NLGN1: variants seen among roughly 807,000 people sequenced by gnomAD.
NLGN1 encodes neuroligin-1.
A neutral mutation model predicts 65.5 loss-of-function variants in NLGN1; 12 were observed. The ratio of observed to expected loss-of-function variants is 0.18; its 90% CI spans 0.12 to 0.30. The LOEUF is 0.30. Ranked by LOEUF, NLGN1 falls within the 10% of genes least tolerant of loss-of-function variation. The pLI is 1.00. For missense variants in NLGN1, 750 were observed against 1,007.1 expected (o/e 0.74, Z 3.46); for synonymous variants, 350 against 359.5 (o/e 0.97, Z 0.30).
chr3:174,251,101 CA>C (rs1744694038), intron 4 of NLGN1, among the ~76,000 whole-genome samples: 1 of 151,908 alleles, frequency 6.6e-6, no homozygotes, highest in East Asian at 1.9e-4. Flanking sequence ...TTTTAAAAAC[CA>C]AAAGGAAACT....
rs997902220 is a variant in NLGN1, at chr3:174,182,066, C to T, written c.647-93249C>T. Among the ~76,000 whole-genome samples the T allele has an allele frequency of 5.3e-5, 8 of 150,178 alleles. No homozygotes were observed. The East Asian group carries it at 1.2e-3, about 22-fold the overall frequency. ...GCAGCAAAATGAGTAGGTGATTGTACACACCTAACCCATACATTCTGTACT... is the reference window on the plus strand; with the variant it reads ...GCAGCAAAATGAGTAGGTGATTGTATACACCTAACCCATACATTCTGTACT... On this transcript the variant is annotated intron_variant, in intron 4 of 6. Coordinates refer to ENST00000457714, the Ensembl canonical transcript of NLGN1.
intron 3 of NLGN1, among the ~76,000 whole-genome samples, chr3:173,676,307 C>A (rs1296760603): frequency 2.0e-5 from 3 of 152,006 alleles, no homozygotes; most frequent in Admixed American, 6.6e-5. Flanking sequence ...GACTGGAGGT[C>A]AACAGGGCCA....
chr3:173,908,009 C>T (rs1458509371), intron 4 of NLGN1, among the ~76,000 whole-genome samples: 1 of 152,212 alleles, frequency 6.6e-6, no homozygotes, highest in East Asian at 1.9e-4. Context: ...CGTGAGCCAC[C>T]ACGCCCAGCA....
intron 2 of NLGN1, among the ~76,000 whole-genome samples, chr3:173,476,283 A>G (rs1726188734): frequency 6.6e-6 from 1 of 152,248 alleles, no homozygotes; most frequent in Non-Finnish European, 1.5e-5. Flanking sequence ...TCAAAATTTT[A>G]TAATAAGGTG....
intron 4 of NLGN1, among the ~76,000 whole-genome samples, chr3:173,980,327 A>G (rs543253127): frequency 6.6e-6 from 1 of 152,092 alleles, no homozygotes; most frequent in African/African-American, 2.4e-5. Context: ...CCGTTATTTA[A>G]TCATAGTATA....
At chr3:173,525,323 AT>A in intron 2 of NLGN1, among the ~76,000 whole-genome samples, 1 of 151,204 alleles carries the variant, frequency 6.6e-6, no homozygotes, top group Admixed American at 6.6e-5. Flanking sequence ...CAGGATTTCT[AT>A]TTTTTTCTTC....
intron 4 of NLGN1, among the ~76,000 whole-genome samples, chr3:174,168,356 T>C (rs901336073): frequency 6.6e-6 from 1 of 152,180 alleles, no homozygotes; most frequent in Admixed American, 6.5e-5. Context: ...CTAATTTTTG[T>C]AATTATTTCT....
At chr3:173,726,085 G>A (rs1337585742) in intron 3 of NLGN1, among the ~76,000 whole-genome samples, 1 of 151,986 alleles carries the variant, frequency 6.6e-6, no homozygotes, top group African/African-American at 2.4e-5. Context: ...AATCAAGGGA[G>A]TAAAGTCGCC....
chr3:173,713,992 A>C (rs1401201338), intron 3 of NLGN1, among the ~76,000 whole-genome samples: 1 of 152,156 alleles, frequency 6.6e-6, no homozygotes, highest in East Asian at 1.9e-4. Flanking sequence ...GAAAAAGGAG[A>C]AAGATGAAGG....
chr3:173,588,726 G>A (rs1747929894), intron 2 of NLGN1, among the ~76,000 whole-genome samples: 1 of 152,210 alleles, frequency 6.6e-6, no homozygotes, highest in South Asian at 2.1e-4. Flanking sequence ...GATCAGAGAT[G>A]TGTCAGCATG....
chr3:173,803,570 T>C (rs1254275822), intron 3 of NLGN1, among the ~76,000 whole-genome samples: 1 of 152,126 alleles, frequency 6.6e-6, no homozygotes, highest in African/African-American at 2.4e-5. Context: ...ATTGCACCAC[T>C]GCACCCCAGC....
rs367555290 is a variant in NLGN1, at chr3:174,279,003, A to G, written c.1002A>G (p.Leu334=). The change falls in exon 6 of 7, where the codon CTA becomes CTG. Residue 334 remains leucine, a synonymous_variant. Transcript: ENST00000457714. This position sits in a 1 kb window ranked among gnomAD's most constrained non-coding sequence, Gnocchi z 4.7. ...ATACAGTAGAGTTAGTGGAATGCCT[A>G]CAGAAGAAGCCTTACAAAGAACTTG... is the stretch of plus-strand genomic sequence containing the variant. 82 of 1,596,058 alleles carry G rather than the reference A, an allele frequency of 5.1e-5. No homozygotes were observed. The highest frequency in any genetic ancestry group is 5.1e-4 in the Middle Eastern group (3 of 5,934).
At chr3:173,860,479 CTAAT>C (rs1182610447) in intron 4 of NLGN1, among the ~76,000 whole-genome samples, 2 of 151,954 alleles carry the variant, frequency 1.3e-5, no homozygotes, top group Non-Finnish European at 2.9e-5. Flanking sequence ...TAGTTATTAA[CTAAT>C]TACCTCTTTT....
At chr3:173,577,799 TCA>T (rs1414298354) in intron 2 of NLGN1, among the ~76,000 whole-genome samples, 2 of 152,210 alleles carry the variant, frequency 1.3e-5, no homozygotes, top group Non-Finnish European at 2.9e-5. Context: ...ACATATTTTC[TCA>T]GTTTCTTGTA....
At chr3:173,935,618 A>G (rs1744907060) in intron 4 of NLGN1, among the ~76,000 whole-genome samples, 1 of 117,024 alleles carries the variant, frequency 8.5e-6, no homozygotes, top group Non-Finnish European at 1.9e-5. Context: ...ACACACACAC[A>G]CACACTCTCT....
intron 4 of NLGN1, among the ~76,000 whole-genome samples, chr3:173,853,999 AC>A (rs1306655145): frequency 2.0e-5 from 3 of 152,162 alleles, no homozygotes; most frequent in African/African-American, 7.2e-5. Flanking sequence ...AAAATACTAT[AC>A]CTTTAACATA....
intron 4 of NLGN1, among the ~76,000 whole-genome samples, chr3:174,207,438 C>T (rs1735640999): frequency 1.3e-5 from 2 of 152,130 alleles, no homozygotes; most frequent in Non-Finnish European, 2.9e-5. Context: ...AAGATACAGA[C>T]AGAATGCAGA....
At chr3:173,662,231 C>T (rs1761029464) in intron 3 of NLGN1, among the ~76,000 whole-genome samples, 1 of 151,832 alleles carries the variant, frequency 6.6e-6, no homozygotes, top group Non-Finnish European at 1.5e-5. Flanking sequence ...CCAAATAGGC[C>T]CTTACAGAGC....
chr3:174,068,277 C>A (rs1220132855), intron 4 of NLGN1, among the ~76,000 whole-genome samples: 1 of 152,066 alleles, frequency 6.6e-6, no homozygotes, highest in Non-Finnish European at 1.5e-5. Context: ...ACATAGGTAT[C>A]CATAGGAAAG....
Sources: allele counts gnomAD v4.1 joint callset (sites outside exome capture counted in the v4.1 genomes callset), GRCh38; gene constraint gnomAD v4.1.1; non-coding constraint Gnocchi (gnomAD v3.1); transcripts MANE v1.5; gene names NCBI Gene and HGNC (gene_info 2026-07-23, HGNC 2026-07-21).